The following ENTREP2 variants were observed in gnomAD, a reference collection of about 807,000 sequenced individuals.
ENTREP2 encodes the protein endosomal transmembrane epsin interactor 2, also known as protein ENTREP2.
At chr15:29,611,783 A>G in the ENTREP2 span, among the ~76,000 whole-genome samples, 1 of 152,034 alleles carries the variant, frequency 6.6e-6, no homozygotes, top group Non-Finnish European at 1.5e-5. Context: ...TGAAGCCCTC[A>G]CTTCATGCCC....
chr15:29,123,616 T>C, the ENTREP2 span: 1 of 1,550,870 alleles, frequency 6.4e-7, no homozygotes, highest in Non-Finnish European at 8.7e-7. Context: ...TGGTGAAAGC[T>C]GGGCCCGACA....
the ENTREP2 span, among the ~76,000 whole-genome samples, chr15:29,173,233 G>T: frequency 6.6e-6 from 1 of 152,194 alleles, no homozygotes; most frequent in Non-Finnish European, 1.5e-5. Context: ...GCTGTAAGCT[G>T]GGCCTGCTTT....
At chr15:29,350,989 T>C in the ENTREP2 span, among the ~76,000 whole-genome samples, 3 of 152,274 alleles carry the variant, frequency 2.0e-5, no homozygotes, top group Non-Finnish European at 2.9e-5. Flanking sequence ...ATACATTTCA[T>C]AAGAGATAAG....
the ENTREP2 span, among the ~76,000 whole-genome samples, chr15:29,391,833 T>C: frequency 2.6e-5 from 4 of 152,244 alleles, no homozygotes; most frequent in Admixed American, 2.0e-4. Context: ...TTTGTTGCTG[T>C]TGTTGTTTTG....
the ENTREP2 span, chr15:29,376,153 T>C: frequency 6.6e-6 from 1 of 152,162 alleles, no homozygotes; most frequent in African/African-American, 2.4e-5. Flanking sequence ...TTCTAAAAAA[T>C]GTTTTCAACT....
chr15:29,146,124 A>G, the ENTREP2 span, among the ~76,000 whole-genome samples: 1 of 152,242 alleles, frequency 6.6e-6, no homozygotes, highest in African/African-American at 2.4e-5. Flanking sequence ...TTGCACACTG[A>G]AAACCGTGAA....
At chr15:29,354,330 T>C in the ENTREP2 span, among the ~76,000 whole-genome samples, 1 of 152,166 alleles carries the variant, frequency 6.6e-6, no homozygotes, top group Non-Finnish European at 1.5e-5. Flanking sequence ...AGCCTGGAGA[T>C]GGCAGATTGT....
At chr15:29,201,300 C>T in the ENTREP2 span, among the ~76,000 whole-genome samples, 1 of 152,082 alleles carries the variant, frequency 6.6e-6, no homozygotes, top group African/African-American at 2.4e-5. Context: ...CTTGAAATTA[C>T]AGCATTATGT....
At chr15:29,197,618 T>C in the ENTREP2 span, among the ~76,000 whole-genome samples, 5 of 151,860 alleles carry the variant, frequency 3.3e-5, no homozygotes. Flanking sequence ...ATACAAAAAT[T>C]AGCTCGGCGT....
At chr15:29,358,495 A>G in the ENTREP2 span, among the ~76,000 whole-genome samples, 5 of 152,216 alleles carry the variant, frequency 3.3e-5, no homozygotes, top group African/African-American at 1.2e-4. Flanking sequence ...AGGGTCCTGG[A>G]GTGGGCAGCT....
the ENTREP2 span, among the ~76,000 whole-genome samples, chr15:29,499,070 A>G: frequency 2.0e-5 from 3 of 152,204 alleles, no homozygotes; most frequent in African/African-American, 7.2e-5. Context: ...GGCAGCATAT[A>G]GTTGAGTCTT....
At chr15:29,527,277 C>T in the ENTREP2 span, among the ~76,000 whole-genome samples, 1 of 152,124 alleles carries the variant, frequency 6.6e-6, no homozygotes, top group Non-Finnish European at 1.5e-5. Context: ...TGCTGGGTTT[C>T]AGGACATTTT....
At chr15:29,236,168 G>T in the ENTREP2 span, among the ~76,000 whole-genome samples, 1 of 151,994 alleles carries the variant, frequency 6.6e-6, no homozygotes, top group Non-Finnish European at 1.5e-5. Flanking sequence ...TCAATATCTG[G>T]AATGAAACAA....
the ENTREP2 span, among the ~76,000 whole-genome samples, chr15:29,656,846 G>T: frequency 6.6e-6 from 1 of 152,136 alleles, no homozygotes; most frequent in African/African-American, 2.4e-5. Context: ...CTCACTGCTA[G>T]GTATTACCCA....
the ENTREP2 span, among the ~76,000 whole-genome samples, chr15:29,543,162 G>C: frequency 6.6e-6 from 1 of 151,752 alleles, no homozygotes; most frequent in Non-Finnish European, 1.5e-5. Flanking sequence ...TGACATGTTA[G>C]TCACATGTGA....
the ENTREP2 span, among the ~76,000 whole-genome samples, chr15:29,456,790 G>C: frequency 2.6e-5 from 4 of 152,224 alleles, no homozygotes; most frequent in South Asian, 8.3e-4. Flanking sequence ...AGATCCTGAG[G>C]AGTAAGATCA....
At chr15:29,634,217 G>T in the ENTREP2 span, among the ~76,000 whole-genome samples, 1 of 152,064 alleles carries the variant, frequency 6.6e-6, no homozygotes, top group Non-Finnish European at 1.5e-5. Flanking sequence ...AGGATTAGCC[G>T]GTTTGCCAGA....
At chr15:29,134,047 G>A in the ENTREP2 span, among the ~76,000 whole-genome samples, 14 of 152,038 alleles carry the variant, frequency 9.2e-5, no homozygotes, top group Non-Finnish European at 1.8e-4. Flanking sequence ...GACCTTCCAT[G>A]GACCCCCAAA....
the ENTREP2 span, among the ~76,000 whole-genome samples, chr15:29,330,453 AAAAT>A: frequency 1.3e-5 from 2 of 152,094 alleles, no homozygotes; most frequent in Non-Finnish European, 2.9e-5. Context: ...TGTCTCAAAA[AAAAT>A]AAATAAATAA....
Sources: gnomAD v4.1 joint callset for allele counts (sites outside exome capture counted in the v4.1 genomes callset) on GRCh38, gnomAD v4.1.1 for gene constraint, MANE v1.5 for transcripts, NCBI Gene and HGNC (gene_info 2026-07-23, HGNC 2026-07-21) for gene names.